The following ZFYVE9 variants were observed in gnomAD, a reference collection of about 807,000 sequenced individuals.
ZFYVE9 encodes the protein zinc finger FYVE-type containing 9.
A neutral mutation model predicts 126.7 loss-of-function variants in ZFYVE9; 43 were observed. That is an observed-to-expected ratio of 0.34 (90% CI 0.27 to 0.44). The LOEUF (loss-of-function observed/expected upper bound fraction) is 0.44. Among genes scored for constraint, ZFYVE9 ranks in the 20% least tolerant of loss-of-function variants. ZFYVE9 has a pLI of 1.00. For synonymous variants in ZFYVE9, 521 were observed against 597.4 expected, an observed-to-expected ratio of 0.87 and a Z score of 1.87; for missense variants, 1,476 against 1,697.0, an observed-to-expected ratio of 0.87 and a Z score of 2.29.
At chr1:52,326,670 G>A (rs1271443112) in intron 13 of ZFYVE9, among the ~76,000 whole-genome samples, 1 of 110,052 alleles carries the variant, frequency 9.1e-6, no homozygotes, top group Non-Finnish European at 1.7e-5. Context: ...CCAACATGGT[G>A]AAACCCTGTC....
intron 1 of ZFYVE9, among the ~76,000 whole-genome samples, chr1:52,144,076 A>C (rs1477140793): frequency 6.6e-6 from 1 of 152,158 alleles, no homozygotes; most frequent in East Asian, 1.9e-4. Context: ...CGTAAGCAAG[A>C]TGCCCCTCTC....
chr1:52,206,022 C>G (rs2124578085), intron 1 of ZFYVE9, among the ~76,000 whole-genome samples: 1 of 152,140 alleles, frequency 6.6e-6, no homozygotes, highest in African/African-American at 2.4e-5. Context: ...TGCCATTTGC[C>G]TCAATTTATA....
intron 1 of ZFYVE9, among the ~76,000 whole-genome samples, chr1:52,143,056 C>T (rs957212233): frequency 1.3e-5 from 2 of 152,106 alleles, no homozygotes; most frequent in Non-Finnish European, 2.9e-5. Flanking sequence ...TGGAGAAAGC[C>T]CCATCGCATC....
At chr1:52,146,270 C>T (rs1043289661) in intron 1 of ZFYVE9, among the ~76,000 whole-genome samples, 2 of 152,082 alleles carry the variant, frequency 1.3e-5, no homozygotes, top group Non-Finnish European at 2.9e-5. Context: ...CTGTGGGTTC[C>T]TGGAACCAGT....
intron 16 of ZFYVE9, among the ~76,000 whole-genome samples, chr1:52,338,532 T>G (rs368741025): frequency 1.3e-5 from 2 of 152,330 alleles, no homozygotes; most frequent in East Asian, 3.9e-4. Flanking sequence ...AACATTGCAT[T>G]TATACATTAC....
chr1:52,306,073 C>T (rs777870364), intron 13 of ZFYVE9, among the ~76,000 whole-genome samples: 2 of 152,146 alleles, frequency 1.3e-5, no homozygotes, highest in Non-Finnish European at 1.5e-5. Context: ...CGATGAGGTT[C>T]CACCTTCAGG....
intron 13 of ZFYVE9, among the ~76,000 whole-genome samples, chr1:52,321,200 CTA>C (rs770503821): frequency 6.6e-6 from 1 of 152,164 alleles, no homozygotes; most frequent in Non-Finnish European, 1.5e-5. Context: ...TAATTTGAAA[CTA>C]CACATATTCT....
At chr1:52,207,384 A>T (rs1317751846) in intron 1 of ZFYVE9, among the ~76,000 whole-genome samples, 1 of 152,194 alleles carries the variant, frequency 6.6e-6, no homozygotes, top group African/African-American at 2.4e-5. Flanking sequence ...GAACTAGGTG[A>T]AAACACTCAC....
intron 13 of ZFYVE9, among the ~76,000 whole-genome samples, chr1:52,323,274 A>G (rs1029089799): frequency 8.5e-5 from 13 of 152,202 alleles, no homozygotes; most frequent in African/African-American, 2.9e-4. Context: ...CACTTTTTTC[A>G]GTAAGACATC....
intron 1 of ZFYVE9, among the ~76,000 whole-genome samples, chr1:52,152,615 C>T (rs1008675659): frequency 1.4e-4 from 21 of 152,168 alleles, no homozygotes; most frequent in Admixed American, 7.2e-4. Flanking sequence ...GATGACAAGA[C>T]AGTATCCTGT....
chr1:52,162,944 A>T (rs1307617724), intron 1 of ZFYVE9: 4 of 498,184 alleles, frequency 8.0e-6, no homozygotes, highest in South Asian at 2.2e-5. Flanking sequence ...AATTTTACAC[A>T]AGCAGGAGTT....
chr1:52,250,550 AT>A (rs1400904627), intron 4 of ZFYVE9, among the ~76,000 whole-genome samples: 4 of 152,172 alleles, frequency 2.6e-5, no homozygotes, highest in Non-Finnish European at 5.9e-5. Context: ...AATGTAGCAT[AT>A]GTTGTCAGTA....
rs777350441 is a variant in ZFYVE9, at chr1:52,303,480, TGA to T, written c.3334-337_3334-336del. 2.8e-4 allele frequency among the ~76,000 whole-genome samples: 43 copies of T among 152,238 alleles called. 1 individual carries two copies. Among genetic ancestry groups the T allele is most frequent in the African/African-American group, 1.2e-4 (5 of 41,462 alleles). ...AAGGATATAGCAAGAACAACACAACTGAGAGTTTGTACTCTCTTGGAGCTTCA... is the reference window on the plus strand; with the variant it reads ...AAGGATATAGCAAGAACAACACAACTGAGTTTGTACTCTCTTGGAGCTTCA... On this transcript the variant is annotated intron_variant, in intron 12 of 18. Coordinates refer to ENST00000287727, the MANE Select transcript of ZFYVE9 (RefSeq NM_004799.4).
intron 1 of ZFYVE9, among the ~76,000 whole-genome samples, chr1:52,184,197 T>TTATATATATATATTTATATATATATATA (rs1644741924): frequency 6.9e-6 from 1 of 145,094 alleles, no homozygotes; most frequent in African/African-American, 2.5e-5. Flanking sequence ...ACAAGTGTCA[T>TTATATATATATATTTATATATATATATA]TATATATATA....
intron 13 of ZFYVE9, 73 bp from the exon 14 acceptor site, chr1:52,332,695 A>G: frequency 7.2e-6 from 11 of 1,523,980 alleles, no homozygotes; most frequent in Non-Finnish European, 8.8e-6. Flanking sequence ...TGTTTTTGAG[A>G]AGATGGAGTT....
At position 52,238,731 on chromosome 1, in the gene ZFYVE9, GTGTGT is replaced by G; in HGVS notation, c.1317_1321del (p.Cys439TrpfsTer15). ...ACACTAATGGTGATAGTGGAGGACA[GTGTGT>G]TGGATTGGCAGATGCAGGTCTAGAT... is the stretch of plus-strand genomic sequence containing the variant. On this transcript the variant is annotated frameshift_variant, in exon 4 of 19. Transcript: ENST00000287727. LOFTEE classifies it high-confidence loss of function. 6.2e-7 allele frequency: 1 copy of G among 1,614,136 alleles called. No homozygotes were observed. The highest frequency in any genetic ancestry group is 8.5e-7 in the Non-Finnish European group (1 of 1,179,978).
intron 10 of ZFYVE9, among the ~76,000 whole-genome samples, chr1:52,288,886 A>G (rs1251739763): frequency 1.4e-5 from 2 of 146,620 alleles, no homozygotes; most frequent in Admixed American, 1.4e-4. Context: ...GGATCACGCC[A>G]CTGTACTCCA....
chr1:52,176,066 G>A (rs1309980875), intron 1 of ZFYVE9, among the ~76,000 whole-genome samples: 10 of 152,186 alleles, frequency 6.6e-5, no homozygotes, highest in Admixed American at 3.3e-4. Flanking sequence ...GAGGAGGAGA[G>A]ACACGCTGCT....
chr1:52,286,565 A>G (rs1162641529), intron 10 of ZFYVE9, among the ~76,000 whole-genome samples: 5 of 152,148 alleles, frequency 3.3e-5, no homozygotes, highest in African/African-American at 7.2e-5. Flanking sequence ...GTGCCATCGG[A>G]GGTTGTAGAC....
Sources: gnomAD v4.1 joint callset for allele counts (sites outside exome capture counted in the v4.1 genomes callset) on GRCh38, gnomAD v4.1.1 for gene constraint, MANE v1.5 for transcripts, NCBI Gene and HGNC (gene_info 2026-07-23, HGNC 2026-07-21) for gene names.